The following ZBTB20 variants were observed in gnomAD, a reference collection of about 807,000 sequenced individuals.
The protein encoded by ZBTB20 is zinc finger and BTB domain-containing protein 20.
Under a neutral mutation model 56.9 loss-of-function variants are expected in ZBTB20, and 9 were observed. The observed-to-expected ratio is 0.16, with a 90% CI of 0.10 to 0.28. ZBTB20 has a LOEUF of 0.28. Among genes scored for constraint, ZBTB20 ranks in the 10% least tolerant of loss-of-function variants. The probability of loss-of-function intolerance (pLI) is 1.00; values close to 1 mark genes in which losing one functional copy is unlikely to be tolerated. For missense variants in ZBTB20, 655 were observed against 1,003.0 expected (o/e 0.65, Z 4.69); for synonymous variants, 417 against 420.7 (o/e 0.99, Z 0.11).
chr3:114,976,009 C>A (rs531109587), intron 2 of ZBTB20, among the ~76,000 whole-genome samples: 14 of 152,276 alleles, frequency 9.2e-5, no homozygotes, highest in Admixed American at 3.3e-4. Context: ...TATCTATTTA[C>A]AGATGAGAAA....
rs780811533 is a variant in ZBTB20 at position 114,316,515 on chromosome 3, T to C, written c.*22490A>G. ...ACATGTATAATATATACACTATATA[T>C]ATGTGGATACATATAGGAAGTGTGT... On this transcript the variant is annotated 3_prime_UTR_variant, in exon 12 of 12. Coordinates refer to ENST00000675478, the MANE Select transcript of ZBTB20 (RefSeq NM_001348800.3). The C allele has an allele frequency of 1.9e-6, 1 of 532,488 alleles. No homozygotes were observed. Among genetic ancestry groups the C allele is most frequent in the Non-Finnish European group, 3.9e-6 (1 of 259,398 alleles). 33.0% of individuals were successfully genotyped at this position (532,488 alleles called of 1,614,324 possible).
chr3:114,993,568 C>G (rs1243152452), intron 2 of ZBTB20, among the ~76,000 whole-genome samples: 5 of 151,640 alleles, frequency 3.3e-5, no homozygotes, highest in African/African-American at 1.2e-4. Context: ...AATAAGGTAT[C>G]TGACCACAAT....
chr3:115,108,730 G>A (rs1218534779), intron 1 of ZBTB20, among the ~76,000 whole-genome samples: 9 of 152,050 alleles, frequency 5.9e-5, no homozygotes, highest in South Asian at 4.2e-4. Context: ...AAATATTACC[G>A]GAGTTCCTCG....
chr3:114,957,199 T>A (rs934092723), intron 3 of ZBTB20, among the ~76,000 whole-genome samples: 3 of 152,216 alleles, frequency 2.0e-5, no homozygotes, highest in Non-Finnish European at 4.4e-5. Context: ...TTTTATCCTA[T>A]CTTCACCAGA....
intron 4 of ZBTB20, among the ~76,000 whole-genome samples, chr3:114,802,861 G>A (rs1427768328): frequency 6.6e-6 from 1 of 151,874 alleles, no homozygotes; most frequent in Non-Finnish European, 1.5e-5. Context: ...GTGAAAAGGT[G>A]ATAGAAACTA....
intron 2 of ZBTB20, among the ~76,000 whole-genome samples, chr3:115,001,581 T>A (rs528504247): frequency 6.6e-6 from 1 of 151,306 alleles, no homozygotes. Flanking sequence ...GTATACAAAA[T>A]TTGTGTCTCA....
At chr3:114,527,597 C>G (rs1018012919) in intron 6 of ZBTB20, among the ~76,000 whole-genome samples, 2 of 152,212 alleles carry the variant, frequency 1.3e-5, no homozygotes, top group African/African-American at 4.8e-5. Flanking sequence ...GTTGTCTAAT[C>G]TGCCTCCATG....
intron 6 of ZBTB20, among the ~76,000 whole-genome samples, chr3:114,524,436 T>A (rs1367064027): frequency 6.6e-6 from 1 of 152,132 alleles, no homozygotes; most frequent in Non-Finnish European, 1.5e-5. Flanking sequence ...GAATAACCAA[T>A]AATTGTAATG....
chr3:114,462,269 C>T (rs1005900119), intron 7 of ZBTB20, among the ~76,000 whole-genome samples: 2 of 152,118 alleles, frequency 1.3e-5, no homozygotes, highest in South Asian at 2.1e-4. Flanking sequence ...GTCCAATTCT[C>T]CAGGCCAAAA....
rs575531020 is a variant in ZBTB20, at chr3:114,893,338, T to C, written c.-417+6966A>G. ...CTAATCAATTTTTTAAAAGTACATA[T>C]ATAAAAATTTTAAACCAGGCTAGAC... On this transcript the variant is annotated intron_variant, in intron 4 of 11. Coordinates refer to ENST00000675478, the MANE Select transcript of ZBTB20 (RefSeq NM_001348800.3). Among the ~76,000 whole-genome samples the C allele has an allele frequency of 5.3e-5, 8 of 152,288 alleles. No individual in the cohort carries two copies. The South Asian group carries it at 1.5e-3, about 28-fold the overall frequency.
At chr3:115,097,153 G>A (rs749698788) in intron 1 of ZBTB20, among the ~76,000 whole-genome samples, 2 of 151,964 alleles carry the variant, frequency 1.3e-5, no homozygotes, top group African/African-American at 2.4e-5. Context: ...TGAATTATAT[G>A]GTCTGGCATT....
chr3:114,657,283 T>C (rs192194398), intron 6 of ZBTB20, among the ~76,000 whole-genome samples: 122 of 152,350 alleles, frequency 8.0e-4, no homozygotes, highest in Non-Finnish European at 1.6e-4. Flanking sequence ...TTTCTATAAT[T>C]AATTTCTTAG....
intron 4 of ZBTB20, among the ~76,000 whole-genome samples, chr3:114,816,073 C>CT (rs2072894202): frequency 1.3e-5 from 2 of 152,158 alleles, no homozygotes; most frequent in Non-Finnish European, 2.9e-5. Flanking sequence ...TCTGTGAACT[C>CT]TGTCATGTAG....
At chr3:114,409,765 T>C (rs2087747051) in intron 7 of ZBTB20, among the ~76,000 whole-genome samples, 1 of 152,202 alleles carries the variant, frequency 6.6e-6, no homozygotes, top group Non-Finnish European at 1.5e-5. Flanking sequence ...GAAATGAAGA[T>C]GTGCCTCAGA....
chr3:115,126,662 G>A (rs1353409324), intron 1 of ZBTB20, among the ~76,000 whole-genome samples: 1 of 152,106 alleles, frequency 6.6e-6, no homozygotes, highest in African/African-American at 2.4e-5. Flanking sequence ...TTAATAATTG[G>A]TATTATTTGT....
chr3:114,450,163 A>G (rs915285333), intron 7 of ZBTB20, among the ~76,000 whole-genome samples: 8 of 152,204 alleles, frequency 5.3e-5, no homozygotes, highest in African/African-American at 1.9e-4. Flanking sequence ...CCTCTGCGAA[A>G]GATCATACAA....
chr3:114,427,692 G>T (rs1410509932), intron 7 of ZBTB20, among the ~76,000 whole-genome samples: 1 of 152,218 alleles, frequency 6.6e-6, no homozygotes, highest in East Asian at 1.9e-4. Context: ...TTTGGTGTCT[G>T]CTGTCTGGGT....
intron 1 of ZBTB20, among the ~76,000 whole-genome samples, chr3:115,080,195 G>T (rs1226333431): frequency 6.6e-6 from 1 of 152,138 alleles, no homozygotes; most frequent in Non-Finnish European, 1.5e-5. Context: ...GAAACACAAT[G>T]AAGAGTTAGC....
intron 2 of ZBTB20, among the ~76,000 whole-genome samples, chr3:115,042,859 T>C (rs1420864746): frequency 6.6e-6 from 1 of 152,240 alleles, no homozygotes; most frequent in Non-Finnish European, 1.5e-5. Context: ...AAGCTACATC[T>C]TTTCCATGCT....
Sources: gnomAD v4.1 joint callset for allele counts (sites outside exome capture counted in the v4.1 genomes callset) on GRCh38, gnomAD v4.1.1 for gene constraint, MANE v1.5 for transcripts, NCBI Gene and HGNC (gene_info 2026-07-23, HGNC 2026-07-21) for gene names.